C8orf89: variants seen among roughly 807,000 people sequenced by gnomAD.
C8orf89 encodes putative uncharacterized protein C8orf89.
Under a neutral mutation model 15.8 loss-of-function variants are expected in C8orf89, and 14 were observed. The ratio of observed to expected loss-of-function variants is 0.89; its 90% CI spans 0.59 to 1.39. C8orf89 has a LOEUF of 1.39. C8orf89 is among the 40% of genes most tolerant of loss of function. C8orf89 has a pLI of 0.00. For synonymous variants in C8orf89, 55 were observed against 62.2 expected (o/e 0.88, Z 0.54); for missense variants, 181 against 184.5 (o/e 0.98, Z 0.11).
chr8:73,248,232 T>C (rs1813167772), intron 3 of C8orf89, among the ~76,000 whole-genome samples: 1 of 152,040 alleles, frequency 6.6e-6, no homozygotes, highest in Non-Finnish European at 1.5e-5. Flanking sequence ...TCAGCTTTGT[T>C]GAAAATCAGA....
chr8:73,245,585 G>A (rs1586160803), intron 3 of C8orf89, among the ~76,000 whole-genome samples: 1 of 151,830 alleles, frequency 6.6e-6, no homozygotes, highest in Non-Finnish European at 1.5e-5. Flanking sequence ...GCTCTTCATT[G>A]AAAAAACTAA....
chr8:73,272,723 C>T, the C8orf89 span, among the ~76,000 whole-genome samples: 118 of 151,974 alleles, frequency 7.8e-4, no homozygotes, highest in African/African-American at 2.5e-3. Flanking sequence ...TTTGTCCTTG[C>T]GATAGTTTGC....
the C8orf89 span, chr8:73,277,765 C>A: frequency 1.3e-6 from 1 of 740,748 alleles, no homozygotes; most frequent in Admixed American, 1.7e-5. Flanking sequence ...GAGGACAGAT[C>A]CGCAGCTTCC....
chr8:73,268,472 C>G, the C8orf89 span, among the ~76,000 whole-genome samples: 1 of 151,562 alleles, frequency 6.6e-6, no homozygotes, highest in Admixed American at 6.6e-5. Context: ...GGGTGAGACT[C>G]TGTCTCAAAA....
the C8orf89 span, among the ~76,000 whole-genome samples, chr8:73,278,317 C>T: frequency 6.6e-6 from 1 of 152,224 alleles, no homozygotes; most frequent in Non-Finnish European, 1.5e-5. Flanking sequence ...TTCTCCAAGG[C>T]TGGGCCTAAG....
chr8:73,253,500 G>T (rs1450555773), intron 2 of C8orf89, among the ~76,000 whole-genome samples: 1 of 151,464 alleles, frequency 6.6e-6, no homozygotes, highest in East Asian at 1.9e-4. Flanking sequence ...GATGGGGATG[G>T]CATTGAATCT....
the C8orf89 span, among the ~76,000 whole-genome samples, chr8:73,279,711 A>C: frequency 6.6e-6 from 1 of 152,228 alleles, no homozygotes; most frequent in Admixed American, 6.5e-5. Flanking sequence ...AAACAAAAAA[A>C]CAGTAGAAAC....
At chr8:73,276,156 T>C in the C8orf89 span, among the ~76,000 whole-genome samples, 1 of 150,442 alleles carries the variant, frequency 6.6e-6, no homozygotes, top group Non-Finnish European at 1.5e-5. Flanking sequence ...GAAAAGCTTG[T>C]ACATACAGGT....
At chr8:73,254,644 C>T (rs537716269) in intron 2 of C8orf89, among the ~76,000 whole-genome samples, 4 of 152,246 alleles carry the variant, frequency 2.6e-5, no homozygotes, top group South Asian at 4.1e-4. Context: ...CCCTTCTTCA[C>T]GCCCTCCTCC....
the C8orf89 span, among the ~76,000 whole-genome samples, chr8:73,270,769 A>T: frequency 1.3e-5 from 2 of 152,136 alleles, no homozygotes; most frequent in African/African-American, 4.8e-5. Context: ...ATAAATTAAT[A>T]AATAAATATT....
chr8:73,281,782 T>C, the C8orf89 span, among the ~76,000 whole-genome samples: 2 of 152,202 alleles, frequency 1.3e-5, no homozygotes, highest in South Asian at 2.1e-4. Context: ...CTCCAGAGAA[T>C]AGCGTTTGTT....
At chr8:73,285,474 G>A in the C8orf89 span, among the ~76,000 whole-genome samples, 1 of 152,198 alleles carries the variant, frequency 6.6e-6, no homozygotes, top group Non-Finnish European at 1.5e-5. Context: ...CTGAGCCTTA[G>A]TGTCCCCTTC....
chr8:73,246,477 C>T (rs1813126397), intron 3 of C8orf89, among the ~76,000 whole-genome samples: 1 of 152,232 alleles, frequency 6.6e-6, no homozygotes, highest in Admixed American at 6.5e-5. Flanking sequence ...CTCCCAGGTT[C>T]AAGCAATTCT....
At chr8:73,250,688 T>C (rs1813227429) in intron 2 of C8orf89, among the ~76,000 whole-genome samples, 2 of 152,208 alleles carry the variant, frequency 1.3e-5, no homozygotes, top group Admixed American at 1.3e-4. Context: ...CTGAATTTTG[T>C]CATAATTTTG....
chr8:73,261,929 C>A (rs1015303305), upstream of C8orf89, among the ~76,000 whole-genome samples: 6 of 152,146 alleles, frequency 3.9e-5, no homozygotes, highest in African/African-American at 1.4e-4. Context: ...CCTCTCTATT[C>A]TTGGGGTTGA....
chr8:73,253,869 C>T (rs1813305545), intron 2 of C8orf89, among the ~76,000 whole-genome samples: 2 of 149,692 alleles, frequency 1.3e-5, no homozygotes, highest in African/African-American at 5.1e-5. Flanking sequence ...ACAATCATGT[C>T]ATCTGCAAAC....
chr8:73,261,478 AG>A, upstream of C8orf89, among the ~76,000 whole-genome samples: 1 of 151,788 alleles, frequency 6.6e-6, no homozygotes, highest in East Asian at 2.0e-4. Flanking sequence ...GGAAGAGAGG[AG>A]GGGGAGACCC....
At chr8:73,258,944 T>C (rs1813467958) in intron 1 of C8orf89, among the ~76,000 whole-genome samples, 1 of 152,194 alleles carries the variant, frequency 6.6e-6, no homozygotes, top group African/African-American at 2.4e-5. Flanking sequence ...TTAGAATTAT[T>C]AATACATAAC....
chr8:73,284,446 C>T, the C8orf89 span, among the ~76,000 whole-genome samples: 2 of 151,978 alleles, frequency 1.3e-5, no homozygotes, highest in African/African-American at 4.8e-5. Context: ...AACTCCTGAC[C>T]TTGTGATCTG....
Sources: allele counts gnomAD v4.1 joint callset (sites outside exome capture counted in the v4.1 genomes callset), GRCh38; gene constraint gnomAD v4.1.1; transcripts MANE v1.5; gene names NCBI Gene and HGNC (gene_info 2026-07-23, HGNC 2026-07-21).